Variants in LMOD3 observed in about 807,000 individuals in gnomAD.
LMOD3 encodes the protein leiomodin 3, also known as leiomodin-3.
A neutral mutation model predicts 41.8 loss-of-function variants in LMOD3; 31 were observed. That is an observed-to-expected ratio of 0.74 (90% CI 0.56 to 1.00). The LOEUF (loss-of-function observed/expected upper bound fraction) is 1.00, where lower values mean the gene tolerates loss of function less well. LMOD3 is among the 50% of genes least tolerant of loss of function. The pLI, the probability that LMOD3 is intolerant of heterozygous loss-of-function variation, is 0.00. For missense variants in LMOD3, 755 were observed against 679.5 expected, an observed-to-expected ratio of 1.11 and a Z score of -1.23; for synonymous variants, 292 against 241.9, an observed-to-expected ratio of 1.21 and a Z score of -1.92.
intron 2 of LMOD3, among the ~76,000 whole-genome samples, chr3:69,110,254 A>T (rs963295583): frequency 6.6e-6 from 1 of 151,348 alleles, no homozygotes; most frequent in African/African-American, 2.4e-5. Context: ...TTTTTAGACA[A>T]AGTCTTACTC....
intron 2 of LMOD3, among the ~76,000 whole-genome samples, chr3:69,117,205 G>A (rs17005366): frequency 0.039 from 5,925 of 152,234 alleles, 344 homozygotes; most frequent in East Asian, 0.27. Flanking sequence ...ACTGCTCCAG[G>A]AAGAATCAGA....
chr3:69,122,376 T>A lies in LMOD3; in HGVS notation c.11A>T (p.His4Leu), dbSNP rs1475566907. Reference protein sequence around the residue: MSEHSRNSDQEELL... With the variant: MSELSRNSDQEELL... ...TTCTTCTTGATCTGAATTTCTGCTG[T>A]GCTCTGACATTATTTTTTCTAAATA... Residue 4 changes from histidine to leucine, a missense_variant, in exon 1 of 3, where the codon CAC becomes CTC. Coordinates refer to ENST00000420581, the MANE Select transcript of LMOD3 (RefSeq NM_198271.5). The A allele has an allele frequency of 5.7e-6, 9 of 1,577,572 alleles. No homozygotes were observed. The highest frequency in any genetic ancestry group is 7.8e-6 in the Non-Finnish European group (9 of 1,160,122).
In LMOD3 at chr3:69,119,312, T is replaced by G; in HGVS notation, c.1043A>C (p.Gln348Pro). The G allele has an allele frequency of 6.2e-7, 1 of 1,613,986 alleles. No individual in the cohort carries two copies. The highest frequency in any genetic ancestry group is 8.5e-7 in the Non-Finnish European group (1 of 1,179,888). The change falls in exon 2 of 3, where the codon CAG (glutamine) becomes CCG (proline). Residue 348 changes from glutamine (Q) to proline (P), a missense_variant. By Grantham distance (76) the Gln-to-Pro change is moderately conservative (BLOSUM62 -1). Transcript: ENST00000420581. ...ETLTELRFHN[Q>P]RHMLGHHAEM... ...AGCATGGTGACCCAACATGTGCCTC[T>G]GATTGTGAAACCGAAGCTCAGTTAG...
Position 69,119,877 on chromosome 3 carries a change from C to CTCCT in LMOD3, c.474_477dup (p.Glu160ArgfsTer4), listed in dbSNP as rs1191387160. On this transcript the variant is annotated frameshift_variant, in exon 2 of 3. Transcript: ENST00000420581. LOFTEE classifies it high-confidence loss of function. ...TCTTCACTCTCTTCACCATCATCTT[C>CTCCT]TCCTTCGTCGTCATCATCATCATCT... 6.4e-7 allele frequency: 1 copy of CTCCT among 1,553,226 alleles called. No individual in the cohort carries two copies. The highest frequency in any genetic ancestry group is 1.2e-5 in the South Asian group (1 of 84,994).
At chr3:69,116,505 C>T (rs776903067) in intron 2 of LMOD3, among the ~76,000 whole-genome samples, 26 of 152,254 alleles carry the variant, frequency 1.7e-4, no homozygotes, top group Admixed American at 3.9e-4. Context: ...CCACCAAATA[C>T]ACTTAAAATT....
chr3:69,111,949 T>G (rs559030217), intron 2 of LMOD3, among the ~76,000 whole-genome samples: 6 of 152,320 alleles, frequency 3.9e-5, no homozygotes, highest in Admixed American at 3.9e-4. Flanking sequence ...AACCCTTTAA[T>G]CTATCCATAA....
At chr3:69,109,393 G>A (rs2092337712) in intron 2 of LMOD3, among the ~76,000 whole-genome samples, 1 of 152,088 alleles carries the variant, frequency 6.6e-6, no homozygotes, top group African/African-American at 2.4e-5. Context: ...AGTTGGCCTG[G>A]GTTCAAAGAC....
chr3:69,107,345 C>T lies in LMOD3; in HGVS notation c.*1750G>A, dbSNP rs2092326966. Reference sequence around the variant, plus strand: ...AGTCTGTCACAATTAGACCTATTCTCCCCTAGCCTGTTTGGTTTGATACAT... The same window carrying T: ...AGTCTGTCACAATTAGACCTATTCTTCCCTAGCCTGTTTGGTTTGATACAT... On this transcript the variant is annotated 3_prime_UTR_variant, in exon 3 of 3. Coordinates refer to ENST00000420581, the MANE Select transcript of LMOD3 (RefSeq NM_198271.5). 6.6e-6 allele frequency: 1 copy of T among 151,586 alleles called. No individual in the cohort carries two copies. The highest frequency in any genetic ancestry group is 2.1e-4 in the South Asian group (1 of 4,814). The allele number at this position is 151,586 out of a possible 1,614,324, so 9.4% of individuals were successfully genotyped here. A position where few individuals can be genotyped will look rare whatever the true frequency, so the allele number is the denominator to read the frequency against.
intron 2 of LMOD3, among the ~76,000 whole-genome samples, chr3:69,113,410 C>G (rs1373286302): frequency 1.3e-5 from 2 of 152,068 alleles, no homozygotes; most frequent in Non-Finnish European, 2.9e-5. Context: ...AGGAGAGAAT[C>G]TAGAGAATCT....
At chr3:69,115,792 G>C (rs1222147585) in intron 2 of LMOD3, among the ~76,000 whole-genome samples, 1 of 152,068 alleles carries the variant, frequency 6.6e-6, no homozygotes, top group Non-Finnish European at 1.5e-5. Flanking sequence ...ACTGTACTTT[G>C]AGTCTAAGAT....
At position 69,112,203 on chromosome 3, in the gene LMOD3, TTG is replaced by T. The variant is rs145026767; in HGVS notation, c.1657-3084_1657-3083del. On this transcript the variant is annotated intron_variant, in intron 2 of 2. Coordinates refer to ENST00000420581, the MANE Select transcript of LMOD3 (RefSeq NM_198271.5). Reference sequence around the variant, plus strand: ...TTCAAAGAAAGTATGTCTAGTGTGCTTGTGTGTGTGTGTGTGTCTAGCATCAC... The same window carrying T: ...TTCAAAGAAAGTATGTCTAGTGTGCTTGTGTGTGTGTGTGTCTAGCATCAC... Among the ~76,000 whole-genome samples, 34 of 151,734 alleles carry T rather than the reference TTG, an allele frequency of 2.2e-4. 1 individual carries two copies. Among genetic ancestry groups the T allele is most frequent in the South Asian group, 1.7e-3 (8 of 4,806 alleles).
In LMOD3 at chr3:69,122,311, TG is replaced by T; in HGVS notation, c.75del (p.Asn26ThrfsTer7). 1 of 1,613,392 alleles carries T rather than the reference TG, an allele frequency of 6.2e-7. No individual in the cohort carries two copies. The highest frequency in any genetic ancestry group is 8.5e-7 in the Non-Finnish European group (1 of 1,179,632). ...DEEINEDEIL[A>X]NLSAEELKEL... The stretch of plus-strand genomic sequence containing the variant: ...TCTTTCAGTTCTTCAGCAGACAAGT[TG>T]GCCAAGATTTCATCTTCATTAATCT... On this transcript the variant is annotated frameshift_variant, in exon 1 of 3. Transcript: ENST00000420581. LOFTEE classifies it high-confidence loss of function.
At chr3:69,113,918 G>A (rs75296378) in intron 2 of LMOD3, among the ~76,000 whole-genome samples, 11 of 152,150 alleles carry the variant, frequency 7.2e-5, no homozygotes, top group East Asian at 3.9e-4. Flanking sequence ...GTTATCATAC[G>A]ACTCAGCTTT....
rs2092336824 is a variant in LMOD3, at chr3:69,109,132, A to T, written c.1657-11T>A. On this transcript the variant is annotated splice_polypyrimidine_tract_variant and intron_variant, in intron 2 of 2. Transcript: ENST00000420581. ...TTTTGGCAGTTGCACCTGCGATTTA[A>T]GCATTTGAGGAAACGGGGGAAATTA... is the stretch of plus-strand genomic sequence containing the variant. 1.2e-6 allele frequency: 2 copies of T among 1,601,066 alleles called. No homozygotes were observed. The highest frequency in any genetic ancestry group is 2.7e-5 in the African/African-American group (2 of 74,914).
chr3:69,114,756 C>A, intron 2 of LMOD3, among the ~76,000 whole-genome samples: 1 of 152,198 alleles, frequency 6.6e-6, no homozygotes, highest in Non-Finnish European at 1.5e-5. Flanking sequence ...ATCGACCTCC[C>A]AAAGTGCTGG....
chr3:69,116,495 C>T (rs949783411), intron 2 of LMOD3, among the ~76,000 whole-genome samples: 3 of 152,176 alleles, frequency 2.0e-5, no homozygotes, highest in Non-Finnish European at 2.9e-5. Context: ...TAAAACACCA[C>T]CACCAAATAC....
chr3:69,119,234 C>A lies in LMOD3; in HGVS notation c.1121G>T (p.Gly374Val), dbSNP rs761915768. The A allele has an allele frequency of 6.2e-7, 1 of 1,613,926 alleles. No individual in the cohort carries two copies. Among genetic ancestry groups the A allele is most frequent in the Non-Finnish European group, 8.5e-7 (1 of 1,179,880 alleles). ...GGGACCCGGAAGCTCAAAATGGTAG[C>A]CCATCTTCAGGAGAGTGTTGTTTGC... is the stretch of plus-strand genomic sequence containing the variant. ...LKANNTLLKM[G>V]YHFELPGPRM... Residue 374 changes from glycine to valine, a missense_variant, in exon 2 of 3, where the codon GGC becomes GTC. Coordinates refer to ENST00000420581, the MANE Select transcript of LMOD3 (RefSeq NM_198271.5).
In LMOD3 at chr3:69,118,898, C is replaced by T. The variant is rs2092390426; in HGVS notation, c.1457G>A (p.Arg486Gln). ...CTGGATTCTCTTCAGCTTCACCACC[C>T]GGAAGGAGTCAGGGTCTGTCCTGTA... The part of the protein sequence containing the change: ...PKYRTDPDSF[R>Q]VVKLKRIQRK... Residue 486 changes from arginine to glutamine, a missense_variant, in exon 2 of 3, where the codon CGG (arginine) becomes CAG (glutamine). Physicochemically the swap from Arg to Gln is conservative, Grantham distance 43. Transcript: ENST00000420581. 5 of 1,611,528 alleles carry T rather than the reference C, an allele frequency of 3.1e-6. No individual in the cohort carries two copies. Among genetic ancestry groups the T allele is most frequent in the African/African-American group, 1.4e-5 (1 of 74,070 alleles).
Position 69,122,516 on chromosome 3 carries a change from T to A in LMOD3, c.-130A>T, listed in dbSNP as rs2092413861. ...CAAGTTAACACACCCTTGAGATATT[T>A]TTTTTTTTTTCCCAGGAACCTCAGT... On this transcript the variant is annotated 5_prime_UTR_variant, in exon 1 of 3. Coordinates refer to ENST00000420581, the MANE Select transcript of LMOD3 (RefSeq NM_198271.5). 1.4e-6 allele frequency: 1 copy of A among 703,136 alleles called. No homozygotes were observed. 43.6% of individuals were successfully genotyped at this position (703,136 alleles called of 1,614,324 possible).
Sources: gnomAD v4.1 joint callset for allele counts (sites outside exome capture counted in the v4.1 genomes callset) on GRCh38, gnomAD v4.1.1 for gene constraint, MANE v1.5 for transcripts, NCBI Gene and HGNC (gene_info 2026-07-23, HGNC 2026-07-21) for gene names.